The following ACACA variants were observed in gnomAD, a reference collection of about 807,000 sequenced individuals.
The protein encoded by ACACA is acetyl-CoA carboxylase 1.
A neutral mutation model predicts 296.1 loss-of-function variants in ACACA; 103 were observed. The observed-to-expected ratio is 0.35, with a 90% confidence interval of 0.30 to 0.41. The LOEUF is 0.41. ACACA is among the 10% of genes least tolerant of loss of function. ACACA has a pLI of 1.00. For missense variants in ACACA, 1,554 were observed against 2,989.7 expected (o/e 0.52, Z 11.20); for synonymous variants, 953 against 1,038.6 (o/e 0.92, Z 1.58).
chr17:37,372,973 C>T (rs1207162182), intron 1 of ACACA, among the ~76,000 whole-genome samples: 1 of 151,886 alleles, frequency 6.6e-6, no homozygotes, highest in Non-Finnish European at 1.5e-5. Context: ...CTCCGCCTCC[C>T]GGGTTCAAGT....
At chr17:37,115,207 G>A (rs1022069343) in intron 50 of ACACA, among the ~76,000 whole-genome samples, 2 of 152,198 alleles carry the variant, frequency 1.3e-5, no homozygotes, top group South Asian at 4.1e-4. Context: ...GCTGTATGAA[G>A]AGCAGGGAAT....
chr17:37,153,587 T>C (rs2076125480), intron 43 of ACACA, among the ~76,000 whole-genome samples: 1 of 152,214 alleles, frequency 6.6e-6, no homozygotes, highest in Admixed American at 6.5e-5. Flanking sequence ...TTTGAGAGGT[T>C]ATGCAGACAC....
rs751020783 is a variant in ACACA at position 37,087,183 on chromosome 17, C to T, written c.*133G>A. ...CCAGGATGTCATGCATAACCTGAAACGAGAGGAAGTAAAATGCCATTTGAC... is the reference window on the plus strand; with the variant it reads ...CCAGGATGTCATGCATAACCTGAAATGAGAGGAAGTAAAATGCCATTTGAC... On this transcript the variant is annotated 3_prime_UTR_variant, in exon 56 of 56. Transcript: ENST00000616317. 1.1e-5 allele frequency: 14 copies of T among 1,268,918 alleles called. No individual in the cohort carries two copies. Among genetic ancestry groups the T allele is most frequent in the Admixed American group, 3.8e-5 (2 of 52,850 alleles). 78.6% of individuals were successfully genotyped at this position (1,268,918 alleles called of 1,614,324 possible). A position where few individuals can be genotyped will look rare whatever the true frequency, so the allele number is the denominator to read the frequency against.
chr17:37,340,754 T>C (rs746000689), intron 1 of ACACA, among the ~76,000 whole-genome samples: 10 of 152,194 alleles, frequency 6.6e-5, no homozygotes, highest in Non-Finnish European at 1.2e-4. Context: ...GTTTGGATCA[T>C]GTAACCAAAG....
intron 41 of ACACA, among the ~76,000 whole-genome samples, chr17:37,168,956 T>C (rs2076785862): frequency 6.6e-6 from 1 of 152,236 alleles, no homozygotes. Flanking sequence ...CCACATGTAT[T>C]ACAAACATGT....
chr17:37,169,504 G>A (rs1046148911), intron 41 of ACACA, among the ~76,000 whole-genome samples: 1 of 152,152 alleles, frequency 6.6e-6, no homozygotes, highest in African/African-American at 2.4e-5. Flanking sequence ...CATCTCAAAG[G>A]ATTAGATCAT....
chr17:37,350,468 C>T (rs2048848036), intron 1 of ACACA, among the ~76,000 whole-genome samples: 3 of 151,900 alleles, frequency 2.0e-5, no homozygotes, highest in East Asian at 1.9e-4. Context: ...TGCAGTGAGC[C>T]GTGACTGTAT....
chr17:37,290,189 A>G (rs1336248574), intron 3 of ACACA, among the ~76,000 whole-genome samples: 3 of 152,154 alleles, frequency 2.0e-5, no homozygotes, highest in African/African-American at 7.2e-5. Context: ...CTGGAATTAC[A>G]GGCATGTGCC....
intron 25 of ACACA, among the ~76,000 whole-genome samples, chr17:37,232,864 ATCCTCC>A (rs369902920): frequency 4.0e-5 from 6 of 150,924 alleles, no homozygotes; most frequent in Admixed American, 6.6e-5. Context: ...AACCGTCCTT[ATCCTCC>A]TCCTCCTCCT....
chr17:37,403,366 ATCT>A (rs1437726178), intron 1 of ACACA, among the ~76,000 whole-genome samples: 1 of 135,664 alleles, frequency 7.4e-6, no homozygotes, highest in Non-Finnish European at 1.5e-5. Flanking sequence ...ATTTTGCCAC[ATCT>A]TTTTTTTTTT....
intron 1 of ACACA, among the ~76,000 whole-genome samples, chr17:37,375,422 G>A (rs1227938591): frequency 1.3e-5 from 2 of 152,154 alleles, no homozygotes; most frequent in Non-Finnish European, 2.9e-5. Context: ...GGGAGACAGA[G>A]CTTGCAGTGA....
chr17:37,200,274 TTAAAC>T lies in ACACA; in HGVS notation c.4114-96_4114-92del, dbSNP rs1273245405. ...AAGAAATTGAGTAAAAGATGATGAG[TTAAAC>T]TAATGTTTTTTAAAAATGAAACTTA... is the stretch of plus-strand genomic sequence containing the variant. On this transcript the variant is annotated intron_variant, in intron 34 of 55. Coordinates refer to ENST00000616317, the MANE Select transcript of ACACA (RefSeq NM_198834.3). 1.5e-5 allele frequency: 21 copies of T among 1,383,086 alleles called. 1 individual carries two copies. In the Admixed American group the frequency reaches 3.4e-4, roughly 22 times the overall value. 85.7% of individuals were successfully genotyped at this position (1,383,086 alleles called of 1,614,324 possible). A position where few individuals can be genotyped will look rare whatever the true frequency, so the allele number is the denominator to read the frequency against.
intron 3 of ACACA, among the ~76,000 whole-genome samples, chr17:37,305,964 A>G (rs2083866116): frequency 2.3e-5 from 3 of 130,738 alleles, no homozygotes; most frequent in South Asian, 2.5e-4. Flanking sequence ...GCTGGAGTGC[A>G]GTGGCACTAT....
At chr17:37,390,590 A>G (rs572647769) in intron 1 of ACACA, among the ~76,000 whole-genome samples, 110 of 148,860 alleles carry the variant, frequency 7.4e-4, no homozygotes, top group African/African-American at 2.3e-3. Context: ...TTGCGCCACT[A>G]TACTCCAGCC....
At chr17:37,241,110 G>A (rs1490672116) in intron 23 of ACACA, among the ~76,000 whole-genome samples, 1 of 152,088 alleles carries the variant, frequency 6.6e-6, no homozygotes, top group Non-Finnish European at 1.5e-5. Flanking sequence ...TGGGAGGATT[G>A]CTTGAGCCTG....
chr17:37,128,024 CAAAAAAAAAAAA>C (rs1173864454), intron 47 of ACACA, among the ~76,000 whole-genome samples: 8 of 39,718 alleles, frequency 2.0e-4, no homozygotes, highest in Admixed American at 7.6e-4. Context: ...AACTCCATCT[CAAAAAAAAAAAA>C]AAAAAAAAAA....
At chr17:37,314,145 C>G (rs963956430) in intron 3 of ACACA, among the ~76,000 whole-genome samples, 2 of 150,472 alleles carry the variant, frequency 1.3e-5, no homozygotes, top group Admixed American at 6.6e-5. Context: ...CTCTGTCACC[C>G]AGGCTGGAGT....
chr17:37,261,587 G>A (rs2081516912), intron 11 of ACACA, among the ~76,000 whole-genome samples: 1 of 152,202 alleles, frequency 6.6e-6, no homozygotes. Flanking sequence ...AGTCTCCAAA[G>A]CCCAACTCAC....
At chr17:37,104,645 T>A (rs1039939108) in intron 52 of ACACA, among the ~76,000 whole-genome samples, 1 of 152,156 alleles carries the variant, frequency 6.6e-6, no homozygotes, top group Non-Finnish European at 1.5e-5. Context: ...CTCCATGGTA[T>A]CAAAGGTGAA....
Sources: gnomAD v4.1 joint callset for allele counts (sites outside exome capture counted in the v4.1 genomes callset) on GRCh38, gnomAD v4.1.1 for gene constraint, MANE v1.5 for transcripts, NCBI Gene and HGNC (gene_info 2026-07-23, HGNC 2026-07-21) for gene names.